Variants in INA observed in about 807,000 individuals in gnomAD.
INA encodes the protein internexin neuronal intermediate filament protein alpha, also known as alpha-internexin.
Under a neutral mutation model 40.1 loss-of-function variants are expected in INA, and 35 were observed. The observed-to-expected ratio is 0.87, with a 90% CI of 0.67 to 1.16. INA has a LOEUF of 1.16. Ranked by LOEUF, INA falls within the 50% of genes most tolerant of loss-of-function variation. The pLI is 0.00. For missense variants in INA, 594 were observed against 686.7 expected (o/e 0.87, Z 1.51); for synonymous variants, 290 against 316.9 (o/e 0.92, Z 0.90).
chr10:103,287,393 G>A (rs1381938670), intron 2 of INA, among the ~76,000 whole-genome samples: 1 of 152,156 alleles, frequency 6.6e-6, no homozygotes, highest in Non-Finnish European at 1.5e-5. Context: ...GGGATAATGT[G>A]AGTACACAGA....
In INA at chr10:103,289,987, T is replaced by TA. The variant is rs1373250975; in HGVS notation, c.*1319dup. On this transcript the variant is annotated 3_prime_UTR_variant, in exon 3 of 3. Coordinates refer to ENST00000369849, the MANE Select transcript of INA (RefSeq NM_032727.4). The stretch of plus-strand genomic sequence containing the variant: ...ACCAGAGAAGGGGTGTGCATGCGCC[T>TA]ACTCGCTTGCTAGAAGTAGATTCTG... The TA allele has an allele frequency of 6.5e-6, 1 of 152,704 alleles. No homozygotes were observed. Among genetic ancestry groups the TA allele is most frequent in the Non-Finnish European group, 1.5e-5 (1 of 68,074 alleles). 9.5% of individuals were successfully genotyped at this position (152,704 alleles called of 1,614,324 possible). A position where few individuals can be genotyped will look rare whatever the true frequency, so the allele number is the denominator to read the frequency against.
In INA at chr10:103,278,134, G is replaced by A. The variant is rs764706599; in HGVS notation, c.923G>A (p.Ser308Asn). Residue 308 changes from serine to asparagine, a missense_variant, in exon 1 of 3, where the codon AGC (serine) becomes AAC (asparagine). Around this residue, in one of 2 missense-constraint regions of INA, gnomAD observed 379 missense variants for 496.1 expected, o/e 0.76. Coordinates refer to ENST00000369849, the MANE Select transcript of INA (RefSeq NM_032727.4). This position sits in a 1 kb window ranked among gnomAD's most constrained non-coding sequence, Gnocchi z 4.9. ...CGCAGCACCGAGGCCATCCGGGCCA[G>A]CCGCGAGGAGATCCACGAGTATCGG... ...AARSTEAIRASREEIHEYRRQ... is the reference protein window; with the variant it reads ...AARSTEAIRANREEIHEYRRQ... 1 of 1,613,112 alleles carries A rather than the reference G, an allele frequency of 6.2e-7. No homozygotes were observed. The highest frequency in any genetic ancestry group is 1.7e-5 in the Admixed American group (1 of 60,006).
intron 1 of INA, among the ~76,000 whole-genome samples, chr10:103,286,717 A>G (rs967584330): frequency 1.3e-5 from 2 of 151,912 alleles, no homozygotes; most frequent in Non-Finnish European, 2.9e-5. Flanking sequence ...AATCATCTCC[A>G]TGTTCAGTTC....
intron 1 of INA, 35 bp from the exon 2 acceptor site, chr10:103,287,000 T>C: frequency 6.2e-7 from 1 of 1,605,724 alleles, no homozygotes; most frequent in Non-Finnish European, 8.5e-7. Context: ...TTTCAGCTGG[T>C]TTGGCCTAAC....
chr10:103,282,225 A>AC (rs1189444149), intron 1 of INA, among the ~76,000 whole-genome samples: 2 of 152,238 alleles, frequency 1.3e-5, no homozygotes, highest in African/African-American at 4.8e-5. Context: ...TCATCTGTCT[A>AC]GAACTCAGCT....
At position 103,278,903 on chromosome 10, in the gene INA, GCACACACACACACACA is replaced by G. The variant is rs369168949; in HGVS notation, c.1065+643_1065+658del. Among the ~76,000 whole-genome samples the G allele has an allele frequency of 2.2e-5, 3 of 136,870 alleles. No individual in the cohort carries two copies. The highest frequency in any genetic ancestry group is 7.2e-3 in the Middle Eastern group (2 of 276). The allele number at this position is 136,870 out of a possible 152,430, so 89.8% of individuals were successfully genotyped here. A position where few individuals can be genotyped will look rare whatever the true frequency, so the allele number is the denominator to read the frequency against. ...ACACACACGATTCCCTTGTCCACCA[GCACACACACACACACA>G]CACACACACACACACGATTCCCTTG... On this transcript the variant is annotated intron_variant, in intron 1 of 2. Coordinates refer to ENST00000369849, the MANE Select transcript of INA (RefSeq NM_032727.4). This position sits in a 1 kb window ranked among gnomAD's most constrained non-coding sequence, Gnocchi z 4.9.
At chr10:103,281,042 T>C in intron 1 of INA, 1 of 504,992 alleles carries the variant, frequency 2.0e-6, no homozygotes, top group African/African-American at 2.1e-5. Context: ...ACAAGCCAAG[T>C]CTTCTCTTTT....
In INA at chr10:103,278,810, G is replaced by T. The variant is rs974863964; in HGVS notation, c.1065+534G>T. On this transcript the variant is annotated intron_variant, in intron 1 of 2. Transcript: ENST00000369849. The surrounding 1 kb of genome is among the most constrained non-coding windows in gnomAD (Gnocchi z 4.9). ...GCGCTCCAAAAAGTAGAGATTGGGAGCCAACAAGCTGAGCGATGCTTGAGC... is the reference window on the plus strand; with the variant it reads ...GCGCTCCAAAAAGTAGAGATTGGGATCCAACAAGCTGAGCGATGCTTGAGC... Among the ~76,000 whole-genome samples the T allele has an allele frequency of 1.3e-5, 2 of 151,516 alleles. No homozygotes were observed. Among genetic ancestry groups the T allele is most frequent in the East Asian group, 3.9e-4 (2 of 5,178 alleles).
intron 1 of INA, among the ~76,000 whole-genome samples, chr10:103,281,862 C>G (rs1178614885): frequency 1.3e-5 from 2 of 152,232 alleles, no homozygotes; most frequent in Non-Finnish European, 1.5e-5. Context: ...TAAGACGATG[C>G]TCAGCGTTTG....
At chr10:103,280,698 C>T in intron 1 of INA, 1 of 985,402 alleles carries the variant, frequency 1.0e-6, no homozygotes, top group African/African-American at 1.7e-5. Context: ...TTCACGGTGA[C>T]ACAGTAAGTA....
At chr10:103,282,470 T>C (rs1486462983) in intron 1 of INA, among the ~76,000 whole-genome samples, 6 of 152,236 alleles carry the variant, frequency 3.9e-5, no homozygotes, top group African/African-American at 1.4e-4. Context: ...TCAGGCATTG[T>C]TAAGAATGAG....
At position 103,278,306 on chromosome 10, in the gene INA, G is replaced by C; in HGVS notation, c.1065+30G>C. 2 of 1,471,288 alleles carry C rather than the reference G, an allele frequency of 1.4e-6. No homozygotes were observed. The highest frequency in any genetic ancestry group is 1.8e-6 in the Non-Finnish European group (2 of 1,089,420). 91.1% of individuals were successfully genotyped at this position (1,471,288 alleles called of 1,614,324 possible). A position where few individuals can be genotyped will look rare whatever the true frequency, so the allele number is the denominator to read the frequency against. Reference sequence around the variant, plus strand: ...GGGCCGGGGCTGGGCGTGGGGAGGGGTGCCCTGCCCTCTTCCGCGCGTACC... The same window carrying C: ...GGGCCGGGGCTGGGCGTGGGGAGGGCTGCCCTGCCCTCTTCCGCGCGTACC... On this transcript the variant is annotated intron_variant, in intron 1 of 2. Transcript: ENST00000369849. The surrounding 1 kb of genome is among the most constrained non-coding windows in gnomAD (Gnocchi z 4.9).
intron 1 of INA, chr10:103,281,038 C>A: frequency 2.0e-6 from 1 of 509,100 alleles, no homozygotes; most frequent in Non-Finnish European, 2.5e-6. Flanking sequence ...GGAGACAAGC[C>A]AAGTCTTCTC....
chr10:103,277,306 C>G lies in INA; in HGVS notation c.95C>G (p.Ala32Gly). The part of the protein sequence containing the change: ...GSRLSARLSG[A>G]GGAGGFRSQS... ...CGCCTGTCCGCCCGCCTCTCTGGGGCCGGCGGCGCGGGCGGCTTCCGCTCG... is the reference window on the plus strand; with the variant it reads ...CGCCTGTCCGCCCGCCTCTCTGGGGGCGGCGGCGCGGGCGGCTTCCGCTCG... The change falls in exon 1 of 3, where the codon GCC becomes GGC. Residue 32 changes from alanine to glycine, a missense_variant. Physicochemically the swap from Ala to Gly is moderately conservative, Grantham distance 60. Around this residue, in one of 2 missense-constraint regions of INA, gnomAD observed 215 missense variants for 190.6 expected, o/e 1.13. Transcript: ENST00000369849. The surrounding 1 kb of genome is among the most constrained non-coding windows in gnomAD (Gnocchi z 5.6). 1 of 1,588,010 alleles carries G rather than the reference C, an allele frequency of 6.3e-7. No homozygotes were observed. The highest frequency in any genetic ancestry group is 1.1e-5 in the South Asian group (1 of 88,884).
rs889559167 is a variant in INA at position 103,289,331 on chromosome 10, T to C, written c.*662T>C. 18 of 152,666 alleles carry C rather than the reference T, an allele frequency of 1.2e-4. No individual in the cohort carries two copies. The highest frequency in any genetic ancestry group is 4.3e-4 in the African/African-American group (18 of 41,460). The allele number at this position is 152,666 out of a possible 1,614,324, so 9.5% of individuals were successfully genotyped here. ...AGATGCATGTTGACCATGTCTATGA[T>C]TCGTGTAATTACTTATCCCTGCCCA... On this transcript the variant is annotated 3_prime_UTR_variant, in exon 3 of 3. Transcript: ENST00000369849.
intron 1 of INA, among the ~76,000 whole-genome samples, chr10:103,284,895 A>G (rs1206094641): frequency 6.6e-6 from 1 of 152,164 alleles, no homozygotes; most frequent in Admixed American, 6.5e-5. Flanking sequence ...AAGGTAAAAT[A>G]AAGTGCTGGG....
Position 103,278,054 on chromosome 10 carries a change from G to A in INA, c.843G>A (p.Gln281=), listed in dbSNP as rs151267688. 6.2e-7 allele frequency: 1 copy of A among 1,613,562 alleles called. No individual in the cohort carries two copies. The highest frequency in any genetic ancestry group is 1.3e-5 in the African/African-American group (1 of 74,944). ...AGTCCCTGGCCGCTAAGAACCTGCA[G>A]TCCGCGGAAGAATGGTACAAGTCCA... is the stretch of plus-strand genomic sequence containing the variant. The part of the protein sequence containing the change: ...QYESLAAKNL[Q]SAEEWYKSKF... Residue 281 remains glutamine, a synonymous_variant, in exon 1 of 3, where the codon CAG becomes CAA. Transcript: ENST00000369849. This position sits in a 1 kb window ranked among gnomAD's most constrained non-coding sequence, Gnocchi z 4.9.
rs768238921 is a variant in INA, at chr10:103,277,197, C to G, written c.-15C>G. On this transcript the variant is annotated 5_prime_UTR_variant, in exon 1 of 3. Transcript: ENST00000369849. The surrounding 1 kb of genome is among the most constrained non-coding windows in gnomAD (Gnocchi z 5.6). ...CTCGCGTTGAAGCCGCACGTCCGGCCCCGATCCCGGCACCATGAGCTTCGG... is the reference window on the plus strand; with the variant it reads ...CTCGCGTTGAAGCCGCACGTCCGGCGCCGATCCCGGCACCATGAGCTTCGG... 1 of 1,568,216 alleles carries G rather than the reference C, an allele frequency of 6.4e-7. No individual in the cohort carries two copies. The highest frequency in any genetic ancestry group is 1.2e-5 in the South Asian group (1 of 86,838).
chr10:103,280,776 T>C (rs2093070934), intron 1 of INA: 1 of 985,458 alleles, frequency 1.0e-6, no homozygotes, highest in Non-Finnish European at 1.2e-6. Context: ...GGCTATTGTC[T>C]TCAAAAGCCA....
Sources: gnomAD v4.1 joint callset for allele counts (sites outside exome capture counted in the v4.1 genomes callset) on GRCh38, gnomAD v4.1.1 for gene constraint, gnomAD v4.1.1 regional missense constraint, Gnocchi (gnomAD v3.1) non-coding constraint, MANE v1.5 for transcripts, NCBI Gene and HGNC (gene_info 2026-07-23, HGNC 2026-07-21) for gene names.